SUGP2: variants seen among roughly 807,000 people sequenced by gnomAD.
The protein encoded by SUGP2 is SURP and G-patch domain-containing protein 2.
In SUGP2, 24 loss-of-function variants were observed where a neutral mutation model predicts 90.5. The observed-to-expected ratio is 0.27, with a 90% CI of 0.19 to 0.37. The LOEUF is 0.37. SUGP2 is among the 10% of genes least tolerant of loss of function. SUGP2 has a pLI of 1.00. For synonymous variants in SUGP2, 473 were observed against 513.4 expected, an observed-to-expected ratio of 0.92 and a Z score of 1.06; for missense variants, 1,233 against 1,363.3, an observed-to-expected ratio of 0.90 and a Z score of 1.51.
Position 18,991,415 on chromosome 19 carries a change from G to A in SUGP2, c.*2326C>T, listed in dbSNP as rs2057356287. The A allele has an allele frequency of 6.6e-6, 1 of 152,236 alleles. No individual in the cohort carries two copies. The highest frequency in any genetic ancestry group is 1.5e-5 in the Non-Finnish European group (1 of 68,064). 9.4% of individuals were successfully genotyped at this position (152,236 alleles called of 1,614,324 possible). On this transcript the variant is annotated 3_prime_UTR_variant, in exon 11 of 11. Transcript: ENST00000452918. Reference sequence around the variant, plus strand: ...GGAGAGGTGTCCTCTGAGAGTGTAGGGGGCTTTCTAGGTTCAAGGAGATGT... The same window carrying A: ...GGAGAGGTGTCCTCTGAGAGTGTAGAGGGCTTTCTAGGTTCAAGGAGATGT...
chr19:19,010,319 A>T lies in SUGP2; in HGVS notation c.1874T>A (p.Leu625Gln). ...AYWFLSDENS[L>Q]EYKYYKLKLA... ...CTTCAGCTTGTAATATTTATACTCC[A>T]GACTATTTTCATCAGACAAAAACCT... The change falls in exon 5 of 11, where the codon CTG becomes CAG. Residue 625 changes from leucine to glutamine, a missense_variant. By Grantham distance (113) the Leu-to-Gln change is moderately radical (BLOSUM62 -2). Around this residue, in one of 8 missense-constraint regions of SUGP2, gnomAD observed 540 missense variants for 542.6 expected, o/e 1.00. Coordinates refer to ENST00000452918, the MANE Select transcript of SUGP2 (RefSeq NM_001017392.5). The T allele has an allele frequency of 6.2e-7, 1 of 1,611,996 alleles. No individual in the cohort carries two copies. Among genetic ancestry groups the T allele is most frequent in the Non-Finnish European group, 8.5e-7 (1 of 1,179,590 alleles).
At chr19:18,996,719 T>C (rs1303413074) in intron 8 of SUGP2, among the ~76,000 whole-genome samples, 1 of 152,126 alleles carries the variant, frequency 6.6e-6, no homozygotes, top group Non-Finnish European at 1.5e-5. Context: ...CGCCCACCTA[T>C]TTTTGTATTT....
chr19:19,026,706 G>C (rs2058945456), intron 2 of SUGP2, among the ~76,000 whole-genome samples: 1 of 152,162 alleles, frequency 6.6e-6, no homozygotes, highest in Non-Finnish European at 1.5e-5. Context: ...AGGTTTTATT[G>C]AGGCTACCTG....
At chr19:19,031,135 C>A in intron 1 of SUGP2, 53 bp from the exon 2 acceptor site, 1 of 1,576,656 alleles carries the variant, frequency 6.3e-7, no homozygotes, top group East Asian at 2.3e-5. Flanking sequence ...GAGCTGGGCG[C>A]GGTGGCTCAT....
At chr19:19,019,731 T>C (rs2058638058) in intron 3 of SUGP2, among the ~76,000 whole-genome samples, 1 of 150,710 alleles carries the variant, frequency 6.6e-6, no homozygotes, top group Non-Finnish European at 1.5e-5. Flanking sequence ...GGGGGTAGAA[T>C]TATCAGGAAT....
rs540635284 is a variant in SUGP2, at chr19:19,023,799, C to T, written c.1729+820G>A. ...GTCCCAGCTACTCAGGAGGCTGAGG[C>T]GGAAGGATCACTTGAGCCTAGGAGG... is the stretch of plus-strand genomic sequence containing the variant. On this transcript the variant is annotated intron_variant, in intron 3 of 10. Coordinates refer to ENST00000452918, the MANE Select transcript of SUGP2 (RefSeq NM_001017392.5). Among the ~76,000 whole-genome samples the T allele has an allele frequency of 2.1e-4, 32 of 152,138 alleles. No homozygotes were observed. In the South Asian group the frequency reaches 6.0e-3, roughly 29 times the overall value.
intron 4 of SUGP2, among the ~76,000 whole-genome samples, chr19:19,012,606 G>A (rs2058348776): frequency 6.6e-6 from 1 of 152,192 alleles, no homozygotes; most frequent in Admixed American, 6.5e-5. Flanking sequence ...ATGATAAGCA[G>A]TAGCTACTTC....
chr19:18,997,280 G>A (rs1226421041), intron 8 of SUGP2, among the ~76,000 whole-genome samples: 1 of 151,746 alleles, frequency 6.6e-6, no homozygotes, highest in Non-Finnish European at 1.5e-5. Flanking sequence ...CTGAGCCTGG[G>A]GGAGCCAGGG....
intron 6 of SUGP2, among the ~76,000 whole-genome samples, chr19:19,005,686 A>G (rs2058034888): frequency 6.6e-6 from 1 of 151,990 alleles, no homozygotes; most frequent in Non-Finnish European, 1.5e-5. Flanking sequence ...ATTATTACAC[A>G]TTTTTAGAGA....
At chr19:19,022,281 G>C (rs1452173324) in intron 3 of SUGP2, among the ~76,000 whole-genome samples, 2 of 152,198 alleles carry the variant, frequency 1.3e-5, no homozygotes, top group African/African-American at 4.8e-5. Context: ...ACTGCGCCTG[G>C]CCCATTATAG....
chr19:19,026,688 GAACA>G (rs1267199577), intron 2 of SUGP2, among the ~76,000 whole-genome samples: 1 of 152,162 alleles, frequency 6.6e-6, no homozygotes, highest in African/African-American at 2.4e-5. Context: ...TTCTATCTCA[GAACA>G]GACAGGTTTT....
intron 1 of SUGP2, 102 bp downstream of exon 1, chr19:19,033,335 G>A (rs1278344929): frequency 9.0e-7 from 1 of 1,111,460 alleles, no homozygotes; most frequent in South Asian, 4.1e-5. Flanking sequence ...AGAGGGCCGA[G>A]CCTGCGACGC....
At chr19:19,021,159 C>CAAA (rs386388689) in intron 3 of SUGP2, among the ~76,000 whole-genome samples, 1,872 of 65,446 alleles carry the variant, frequency 0.029, 70 homozygotes, top group African/African-American at 0.037. Flanking sequence ...AATTCCATCT[C>CAAA]AAAAAAAAAA....
At chr19:19,022,016 C>T (rs777186381) in intron 3 of SUGP2, among the ~76,000 whole-genome samples, 2 of 151,090 alleles carry the variant, frequency 1.3e-5, no homozygotes, top group African/African-American at 2.4e-5. Flanking sequence ...GACAGAGTCT[C>T]GCTCTGTCGC....
At chr19:19,004,111 C>G in intron 7 of SUGP2, 57 bp downstream of exon 7, 1 of 1,362,576 alleles carries the variant, frequency 7.3e-7, no homozygotes, top group Non-Finnish European at 1.0e-6. Flanking sequence ...CTAACTCTCA[C>G]AGCCCACCAA....
chr19:19,006,480 G>C (rs995477064), intron 6 of SUGP2, among the ~76,000 whole-genome samples: 4 of 152,088 alleles, frequency 2.6e-5, no homozygotes, highest in African/African-American at 9.7e-5. Flanking sequence ...GCTCAGAAAA[G>C]GCTGTCACAG....
At chr19:19,012,170 A>G (rs1223502328) in intron 4 of SUGP2, among the ~76,000 whole-genome samples, 1 of 152,234 alleles carries the variant, frequency 6.6e-6, no homozygotes, top group Non-Finnish European at 1.5e-5. Flanking sequence ...ACGACTGAGT[A>G]CCGGCTCCAC....
chr19:19,021,534 C>T (rs1005159527), intron 3 of SUGP2, among the ~76,000 whole-genome samples: 6 of 152,230 alleles, frequency 3.9e-5, no homozygotes, highest in Admixed American at 6.5e-5. Flanking sequence ...AGGATGACCA[C>T]GAACAAGGGT....
At chr19:19,003,112 AG>A (rs1167684846) in intron 7 of SUGP2, among the ~76,000 whole-genome samples, 1 of 152,188 alleles carries the variant, frequency 6.6e-6, no homozygotes, top group Non-Finnish European at 1.5e-5. Flanking sequence ...TGGCCCCATG[AG>A]AAGTTTTGAA....
Sources: gnomAD v4.1 joint callset for allele counts (sites outside exome capture counted in the v4.1 genomes callset) on GRCh38, gnomAD v4.1.1 for gene constraint, gnomAD v4.1.1 regional missense constraint, MANE v1.5 for transcripts, NCBI Gene and HGNC (gene_info 2026-07-23, HGNC 2026-07-21) for gene names.